The following PTPRZ1 variants were observed in gnomAD, a reference collection of about 807,000 sequenced individuals.
PTPRZ1 encodes the protein protein tyrosine phosphatase receptor type Z1.
PTPRZ1 carries 82 observed loss-of-function variants against 214.1 expected under a neutral mutation model. That is an observed-to-expected ratio of 0.38 (90% CI 0.32 to 0.46). The LOEUF (loss-of-function observed/expected upper bound fraction) is 0.46. Ranked by LOEUF, PTPRZ1 falls within the 20% of genes least tolerant of loss-of-function variation. PTPRZ1 has a pLI of 1.00. For missense variants in PTPRZ1, 2,603 were observed against 2,748.7 expected, an observed-to-expected ratio of 0.95 and a Z score of 1.19; for synonymous variants, 945 against 987.9, an observed-to-expected ratio of 0.96 and a Z score of 0.81.
intron 2 of PTPRZ1, among the ~76,000 whole-genome samples, chr7:121,945,950 C>A (rs1172934082): frequency 6.6e-6 from 1 of 152,164 alleles, no homozygotes; most frequent in East Asian, 1.9e-4. Flanking sequence ...CAGGAAGTTA[C>A]CTTCAGAGTA....
Position 121,873,359 on chromosome 7 carries a change from T to G in PTPRZ1, c.-141T>G. ...ACACACACACACACACAAACACACA[T>G]ACGCACGCACGATCTCACTTCGATC... On this transcript the variant is annotated 5_prime_UTR_variant, in exon 1 of 30. Transcript: ENST00000393386. The G allele has an allele frequency of 1.4e-6, 1 of 704,932 alleles. No homozygotes were observed. Among genetic ancestry groups the G allele is most frequent in the Non-Finnish European group, 2.4e-6 (1 of 413,214 alleles). The allele number at this position is 704,932 out of a possible 1,614,324, so 43.7% of individuals were successfully genotyped here.
At chr7:121,941,621 A>T (rs1441775227) in intron 2 of PTPRZ1, among the ~76,000 whole-genome samples, 2 of 152,198 alleles carry the variant, frequency 1.3e-5, no homozygotes, top group Admixed American at 1.3e-4. Context: ...GGGAAAAGGG[A>T]GCTTAAATGT....
At chr7:122,036,781 A>T (rs776607464) in intron 18 of PTPRZ1, 99 bp downstream of exon 18, 286 of 715,960 alleles carry the variant, frequency 4.0e-4, no homozygotes, top group Non-Finnish European at 6.0e-4. Context: ...GCTTAATGTC[A>T]TGTTATTCGA....
intron 27 of PTPRZ1, among the ~76,000 whole-genome samples, chr7:122,058,551 A>C (rs1217397787): frequency 1.3e-5 from 2 of 152,146 alleles, no homozygotes; most frequent in South Asian, 2.1e-4. Flanking sequence ...TTTCACCCAC[A>C]GATAGAGTTT....
chr7:121,933,417 G>A (rs908738301), intron 2 of PTPRZ1, among the ~76,000 whole-genome samples: 1 of 151,996 alleles, frequency 6.6e-6, no homozygotes, highest in Non-Finnish European at 1.5e-5. Flanking sequence ...CTTTAAAGCA[G>A]CTTGAAATTG....
At position 122,010,562 on chromosome 7, in the gene PTPRZ1, C is replaced by T. The variant is rs182147530; in HGVS notation, c.1516C>T (p.Pro506Ser). The T allele has an allele frequency of 2.1e-5, 34 of 1,613,254 alleles. No individual in the cohort carries two copies. The highest frequency in any genetic ancestry group is 5.0e-5 in the Admixed American group (3 of 60,014). The change falls in exon 12 of 30, where the codon CCA becomes TCA. Residue 506 changes from proline (P) to serine (S), a missense_variant. Coordinates refer to ENST00000393386, the MANE Select transcript of PTPRZ1 (RefSeq NM_002851.3). ...TACATCTTTAAATTCCACTTCCCAACCAGTCACTAAATTAGCCACAGAAAA... is the reference window on the plus strand; with the variant it reads ...TACATCTTTAAATTCCACTTCCCAATCAGTCACTAAATTAGCCACAGAAAA... ...PNTSLNSTSQPVTKLATEKDI... is the reference protein window; with the variant it reads ...PNTSLNSTSQSVTKLATEKDI...
At chr7:121,922,330 G>T (rs1795624401) in intron 1 of PTPRZ1, among the ~76,000 whole-genome samples, 1 of 152,160 alleles carries the variant, frequency 6.6e-6, no homozygotes, top group Non-Finnish European at 1.5e-5. Context: ...GCCAAGGCGG[G>T]CAGATCACTT....
chr7:121,988,741 T>C (rs1388167596), intron 8 of PTPRZ1, among the ~76,000 whole-genome samples: 1 of 152,200 alleles, frequency 6.6e-6, no homozygotes, highest in Non-Finnish European at 1.5e-5. Context: ...TGTCTAAGCC[T>C]CTGGGGTTAA....
chr7:121,945,777 G>T (rs563284213), intron 2 of PTPRZ1, among the ~76,000 whole-genome samples: 1 of 152,224 alleles, frequency 6.6e-6, no homozygotes, highest in South Asian at 2.1e-4. Context: ...AATGCAAGAA[G>T]GAATTCTCTC....
At chr7:121,886,851 A>C (rs1794413813) in intron 1 of PTPRZ1, among the ~76,000 whole-genome samples, 1 of 152,082 alleles carries the variant, frequency 6.6e-6, no homozygotes. Flanking sequence ...TTTTCTACTC[A>C]TCAGGGGAAA....
chr7:122,035,502 G>T (rs1799509922), intron 17 of PTPRZ1, among the ~76,000 whole-genome samples: 2 of 152,146 alleles, frequency 1.3e-5, no homozygotes, highest in Admixed American at 1.3e-4. Context: ...TATGTGGCTG[G>T]CACTGTAAAT....
In PTPRZ1 at chr7:121,873,424, T is replaced by C; in HGVS notation, c.-76T>C. ...TTAAAACAAACAAACAAAAAAAACA[T>C]TTCCTTCGCTCCCCCTCCCTCTCCA... On this transcript the variant is annotated 5_prime_UTR_variant, in exon 1 of 30. Coordinates refer to ENST00000393386, the MANE Select transcript of PTPRZ1 (RefSeq NM_002851.3). The C allele has an allele frequency of 6.8e-7, 1 of 1,473,086 alleles. No individual in the cohort carries two copies. Among genetic ancestry groups the C allele is most frequent in the African/African-American group, 1.4e-5 (1 of 71,772 alleles). The allele number at this position is 1,473,086 out of a possible 1,614,324, so 91.3% of individuals were successfully genotyped here.
At chr7:121,901,246 G>A (rs572388167) in intron 1 of PTPRZ1, among the ~76,000 whole-genome samples, 11 of 152,004 alleles carry the variant, frequency 7.2e-5, no homozygotes, top group South Asian at 2.1e-4. Flanking sequence ...TTTCATTTTC[G>A]TCTTCACAAC....
intron 2 of PTPRZ1, among the ~76,000 whole-genome samples, chr7:121,954,987 T>G (rs1271434860): frequency 6.6e-6 from 1 of 152,124 alleles, no homozygotes; most frequent in East Asian, 1.9e-4. Context: ...ATGACTCAAA[T>G]AGGAATCAAG....
intron 2 of PTPRZ1, among the ~76,000 whole-genome samples, chr7:121,949,128 G>A (rs905370495): frequency 7.9e-5 from 12 of 152,054 alleles, no homozygotes; most frequent in African/African-American, 2.7e-4. Context: ...GGGACAACTC[G>A]AAGCAAAGGT....
At chr7:121,887,138 G>T (rs1057271196) in intron 1 of PTPRZ1, among the ~76,000 whole-genome samples, 1 of 152,186 alleles carries the variant, frequency 6.6e-6, no homozygotes, top group East Asian at 1.9e-4. Context: ...CTCACATTGC[G>T]TGTCTGTTGT....
Position 122,011,853 on chromosome 7 carries a change from C to G in PTPRZ1, c.2807C>G (p.Ser936Cys). 1 of 1,613,814 alleles carries G rather than the reference C, an allele frequency of 6.2e-7. No individual in the cohort carries two copies. Among genetic ancestry groups the G allele is most frequent in the Non-Finnish European group, 8.5e-7 (1 of 1,179,696 alleles). ...TATGCCTTGTCTGATAATGAGGGCT[C>G]CCAACACATCTTCACTGTTTCTTAC... ...PSYALSDNEGSQHIFTVSYSS... is the reference protein window; with the variant it reads ...PSYALSDNEGCQHIFTVSYSS... The change falls in exon 12 of 30, where the codon TCC (serine) becomes TGC (cysteine). Residue 936 changes from serine to cysteine, a missense_variant. By Grantham distance (112) the Ser-to-Cys change is moderately radical. Around this residue, in one of 6 missense-constraint regions of PTPRZ1, gnomAD observed 1,913 missense variants for 1,914.3 expected, o/e 1.00. Transcript: ENST00000393386.
In PTPRZ1 at chr7:122,058,506, G is replaced by A. The variant is rs149926896; in HGVS notation, c.6529-294G>A. On this transcript the variant is annotated intron_variant, in intron 27 of 29. Transcript: ENST00000393386. ...AATTTAGCCGTGCAAATACATCTTT[G>A]ATACATAGTTTCATGGTTTGTAAGC... Among the ~76,000 whole-genome samples the A allele has an allele frequency of 2.4e-3, 358 of 152,166 alleles. 2 individuals are homozygous for A. The highest frequency in any genetic ancestry group is 8.1e-3 in the African/African-American group (338 of 41,510).
At chr7:121,901,370 A>G (rs139237828) in intron 1 of PTPRZ1, among the ~76,000 whole-genome samples, 22 of 152,318 alleles carry the variant, frequency 1.4e-4, no homozygotes, top group Non-Finnish European at 2.6e-4. Context: ...GAAAAGATGT[A>G]TTTTGTTAAA....
Sources: gnomAD v4.1 joint callset for allele counts (sites outside exome capture counted in the v4.1 genomes callset) on GRCh38, gnomAD v4.1.1 for gene constraint, gnomAD v4.1.1 regional missense constraint, MANE v1.5 for transcripts, NCBI Gene and HGNC (gene_info 2026-07-23, HGNC 2026-07-21) for gene names.